The following MRPL3 variants were observed in gnomAD, a reference collection of about 807,000 sequenced individuals.
MRPL3 encodes large ribosomal subunit protein uL3m.
Under a neutral mutation model 44.3 loss-of-function variants are expected in MRPL3, and 43 were observed. The ratio of observed to expected loss-of-function variants is 0.97; its 90% confidence interval spans 0.76 to 1.25. MRPL3 has a LOEUF of 1.25. Ranked by LOEUF, MRPL3 falls within the 50% of genes most tolerant of loss-of-function variation. The pLI, the probability that MRPL3 is intolerant of heterozygous loss-of-function variation, is 0.00. For synonymous variants in MRPL3, 171 were observed against 152.3 expected (o/e 1.12, Z -0.91); for missense variants, 406 against 427.6 (o/e 0.95, Z 0.45).
At chr3:131,487,599 A>G (rs1934157988) in intron 6 of MRPL3, 81 bp downstream of exon 6, 1 of 1,086,270 alleles carries the variant, frequency 9.2e-7, no homozygotes, top group East Asian at 2.4e-5. Flanking sequence ...CTGACTTGAA[A>G]GACTGTACTT....
At chr3:131,487,620 T>C (rs1006855244) in intron 6 of MRPL3, 60 bp downstream of exon 6, 18 of 1,276,234 alleles carry the variant, frequency 1.4e-5, no homozygotes, top group East Asian at 2.3e-5. Context: ...CTTTCACTTA[T>C]TCTATTCTCT....
At chr3:131,483,243 T>C (rs775820905) in intron 6 of MRPL3, among the ~76,000 whole-genome samples, 14 of 152,258 alleles carry the variant, frequency 9.2e-5, no homozygotes, top group Non-Finnish European at 1.5e-4. Flanking sequence ...CTTAAAAATG[T>C]ACCCAGGGTA....
chr3:131,501,531 C>T lies in MRPL3; in HGVS notation c.277G>A (p.Gly93Ser), dbSNP rs1180381273. The T allele has an allele frequency of 6.2e-7, 1 of 1,609,368 alleles. No homozygotes were observed. The highest frequency in any genetic ancestry group is 2.2e-5 in the East Asian group (1 of 44,834). Reference sequence around the variant, plus strand: ...AGCTCATCAAATACAAAATAATCACCTGGTTCCCAAGGATGTATAGGCCAT... The same window carrying T: ...AGCTCATCAAATACAAAATAATCACTTGGTTCCCAAGGATGTATAGGCCAT... ...EPWPIHPWEP[G>S]SFRVGLIALK... Residue 93 changes from glycine to serine, a missense_variant and splice_region_variant, in exon 2 of 10, where the codon GGT (glycine) becomes AGT (serine). Gly to Ser is a moderately conservative substitution (Grantham distance 56). Transcript: ENST00000264995.
At chr3:131,475,521 C>T (rs1933835692) in intron 6 of MRPL3, among the ~76,000 whole-genome samples, 1 of 152,142 alleles carries the variant, frequency 6.6e-6, no homozygotes, top group Admixed American at 6.5e-5. Flanking sequence ...ACATGTATGA[C>T]TTAACAGCTG....
intron 5 of MRPL3, among the ~76,000 whole-genome samples, chr3:131,488,019 T>C (rs1934168909): frequency 6.6e-6 from 1 of 152,242 alleles, no homozygotes; most frequent in Non-Finnish European, 1.5e-5. Flanking sequence ...TCTTGGTTGT[T>C]TTAGTGAATA....
chr3:131,480,528 G>C (rs1338823059), intron 6 of MRPL3, among the ~76,000 whole-genome samples: 1 of 152,190 alleles, frequency 6.6e-6, no homozygotes, highest in Non-Finnish European at 1.5e-5. Flanking sequence ...AAGAGTGCAA[G>C]GAGTGCACTG....
In MRPL3 at chr3:131,501,594, G is replaced by A. The variant is rs374963628; in HGVS notation, c.214C>T (p.Gln72Ter). ...KQLVSDEDKA[Q>*]LASKLCPLKD... ...AGAGGACACAGTTTACTTGCTAATT[G>A]GGCTTTATCTTCATCAGAGACCAAC... Residue 72 changes from glutamine (Q) to a stop codon, truncating the protein, a stop_gained, in exon 2 of 10, where the codon CAA becomes TAA. Transcript: ENST00000264995. LOFTEE classifies it high-confidence loss of function. 1.9e-5 allele frequency: 31 copies of A among 1,612,286 alleles called. No individual in the cohort carries two copies. Among genetic ancestry groups the A allele is most frequent in the Non-Finnish European group, 2.5e-5 (30 of 1,179,952 alleles).
At chr3:131,481,229 A>C (rs1042576532) in intron 6 of MRPL3, among the ~76,000 whole-genome samples, 10 of 152,254 alleles carry the variant, frequency 6.6e-5, no homozygotes, top group African/African-American at 2.4e-4. Flanking sequence ...GGCAAAACTT[A>C]ATGTATTGGA....
At chr3:131,486,283 T>G (rs528657337) in intron 6 of MRPL3, among the ~76,000 whole-genome samples, 1 of 140,788 alleles carries the variant, frequency 7.1e-6, no homozygotes, top group East Asian at 2.1e-4. Context: ...AAGGACTTCA[T>G]GACTGAAACA....
chr3:131,470,380 G>T (rs1933712949), intron 7 of MRPL3, among the ~76,000 whole-genome samples: 1 of 152,028 alleles, frequency 6.6e-6, no homozygotes, highest in African/African-American at 2.4e-5. Flanking sequence ...GACTAAAATG[G>T]AACAGCTTCT....
chr3:131,477,561 T>A (rs1316285440), intron 6 of MRPL3, among the ~76,000 whole-genome samples: 1 of 152,168 alleles, frequency 6.6e-6, no homozygotes, highest in Non-Finnish European at 1.5e-5. Context: ...ACTCAATAAA[T>A]CCCTATGTAT....
Position 131,479,213 on chromosome 3 carries a change from G to A in MRPL3, c.630-7934C>T, listed in dbSNP as rs117112352. ...CCTGCCTGGACATGAGCACAGTCAG[G>A]CAAGGTCTACGAGTATGCCCTCCAA... On this transcript the variant is annotated intron_variant, in intron 6 of 9. Transcript: ENST00000264995. 28 of 518,176 alleles carry A rather than the reference G, an allele frequency of 5.4e-5. No individual in the cohort carries two copies. In the East Asian group the frequency reaches 1.5e-3, roughly 28 times the overall value. 32.1% of individuals were successfully genotyped at this position (518,176 alleles called of 1,614,324 possible).
At chr3:131,470,015 C>T (rs187660827) in intron 7 of MRPL3, among the ~76,000 whole-genome samples, 58 of 152,068 alleles carry the variant, frequency 3.8e-4, no homozygotes, top group African/African-American at 1.2e-3. Context: ...AGGAGAAAAA[C>T]TCAGCAACAA....
At chr3:131,483,818 A>T (rs1016073160) in intron 6 of MRPL3, among the ~76,000 whole-genome samples, 1 of 152,180 alleles carries the variant, frequency 6.6e-6, no homozygotes, top group South Asian at 2.1e-4. Flanking sequence ...CCTATAAAAA[A>T]TTTTCTTAGT....
intron 9 of MRPL3, among the ~76,000 whole-genome samples, chr3:131,464,260 C>A (rs545604187): frequency 6.6e-6 from 1 of 152,136 alleles, no homozygotes; most frequent in East Asian, 1.9e-4. Flanking sequence ...AGAGATAACT[C>A]TCAGTTGCTT....
chr3:131,481,032 T>A (rs902924869), intron 6 of MRPL3, among the ~76,000 whole-genome samples: 16 of 152,282 alleles, frequency 1.1e-4, no homozygotes, highest in African/African-American at 3.6e-4. Context: ...TCAACCCAGG[T>A]CATAGTGCCT....
intron 6 of MRPL3, among the ~76,000 whole-genome samples, chr3:131,483,611 A>G (rs569933461): frequency 6.6e-6 from 1 of 152,134 alleles, no homozygotes; most frequent in East Asian, 1.9e-4. Context: ...GGTAAACACA[A>G]TGTATCTTTC....
intron 4 of MRPL3, among the ~76,000 whole-genome samples, chr3:131,495,221 T>C (rs974268965): frequency 7.2e-5 from 11 of 152,142 alleles, no homozygotes; most frequent in African/African-American, 2.4e-4. Flanking sequence ...TCCTCTATAA[T>C]CAATCGATTT....
chr3:131,491,266 C>T (rs780566995), intron 4 of MRPL3, among the ~76,000 whole-genome samples: 8 of 152,102 alleles, frequency 5.3e-5, no homozygotes, highest in African/African-American at 7.2e-5. Context: ...GATCTCCATA[C>T]GGTCAACCAC....
Sources: gnomAD v4.1 joint callset for allele counts (sites outside exome capture counted in the v4.1 genomes callset) on GRCh38, gnomAD v4.1.1 for gene constraint, MANE v1.5 for transcripts, NCBI Gene and HGNC (gene_info 2026-07-23, HGNC 2026-07-21) for gene names.